TOX2: variants seen among roughly 807,000 people sequenced by gnomAD.
TOX2 encodes the protein TOX high mobility group box family member 2, also known as granulosa cell HMG box 1.
In TOX2, 15 loss-of-function variants were observed where a neutral mutation model predicts 47.4. The ratio of observed to expected loss-of-function variants is 0.32; its 90% CI spans 0.21 to 0.49. The LOEUF (loss-of-function observed/expected upper bound fraction) is 0.49. TOX2 is among the 20% of genes least tolerant of loss of function. The pLI is 0.99. For missense variants in TOX2, 622 were observed against 673.1 expected (o/e 0.92, Z 0.84); for synonymous variants, 290 against 296.6 (o/e 0.98, Z 0.23).
chr20:43,995,364 T>A (rs2070454505), intron 2 of TOX2, among the ~76,000 whole-genome samples: 2 of 152,182 alleles, frequency 1.3e-5, no homozygotes, highest in Admixed American at 6.5e-5. Context: ...GCAGAATTCA[T>A]AAAATCACTA....
intron 3 of TOX2, among the ~76,000 whole-genome samples, chr20:44,009,018 T>TCA (rs143926439): frequency 0.036 from 5,432 of 152,208 alleles, 113 homozygotes; most frequent in African/African-American, 0.055. Context: ...TCAGCTTGAG[T>TCA]CACACATACA....
chr20:44,048,667 T>C (rs1283693309), intron 3 of TOX2, among the ~76,000 whole-genome samples: 1 of 151,748 alleles, frequency 6.6e-6, no homozygotes, highest in African/African-American at 2.4e-5. Context: ...ACTAAGAGAT[T>C]TGTAATAAAA....
At chr20:43,956,917 G>A (rs372237320) in intron 1 of TOX2, among the ~76,000 whole-genome samples, 1 of 151,822 alleles carries the variant, frequency 6.6e-6, no homozygotes, top group East Asian at 1.9e-4. Context: ...TTTGTCTGTT[G>A]GCATCTTGCT....
At chr20:44,049,982 T>C (rs921665337) in intron 3 of TOX2, among the ~76,000 whole-genome samples, 1 of 152,244 alleles carries the variant, frequency 6.6e-6, no homozygotes, top group Non-Finnish European at 1.5e-5. Flanking sequence ...TAGAATGATT[T>C]ATATTCCTCT....
chr20:43,932,938 C>T (rs1008741851), intron 1 of TOX2, among the ~76,000 whole-genome samples: 1 of 152,146 alleles, frequency 6.6e-6, no homozygotes, highest in Non-Finnish European at 1.5e-5. Flanking sequence ...GGGAACATTT[C>T]CTGGCTGTCT....
At chr20:44,021,479 G>T (rs1218836028) in intron 3 of TOX2, among the ~76,000 whole-genome samples, 1 of 152,108 alleles carries the variant, frequency 6.6e-6, no homozygotes, top group Admixed American at 6.5e-5. Flanking sequence ...CAGACCTGAG[G>T]CCCCTGTCCC....
chr20:43,931,497 A>G (rs767189047), intron 1 of TOX2, among the ~76,000 whole-genome samples: 3 of 152,132 alleles, frequency 2.0e-5, no homozygotes, highest in Non-Finnish European at 4.4e-5. Flanking sequence ...TTTCACTGCT[A>G]TCCTCCCCTG....
intron 1 of TOX2, among the ~76,000 whole-genome samples, chr20:43,972,488 C>CTAGAAGGTAT: frequency 6.6e-6 from 1 of 152,166 alleles, no homozygotes; most frequent in African/African-American, 2.4e-5. Context: ...TCTAGGGAAC[C>CTAGAAGGTAT]CTATCTAAGA....
rs996495002 is a variant in TOX2, at chr20:44,066,782, G to C, written c.1409G>C (p.Gly470Ala). ...AGCAGCTCGGGATCCTGCTCACCTG[G>C]CCCATCCAACCCCACCAGCAGCGGG... ...FPSSSGSCSP[G>A]PSNPTSSGDW... The change falls in exon 8 of 9, where the codon GGC (glycine) becomes GCC (alanine). Residue 470 changes from glycine to alanine, a missense_variant. Gly to Ala is a moderately conservative substitution (Grantham distance 60). Around this residue, in one of 3 missense-constraint regions of TOX2, gnomAD observed 294 missense variants for 300.0 expected, o/e 0.98. Transcript: ENST00000341197. The C allele has an allele frequency of 6.2e-7, 1 of 1,614,160 alleles. No homozygotes were observed. The highest frequency in any genetic ancestry group is 8.5e-7 in the Non-Finnish European group (1 of 1,180,030).
chr20:43,957,880 G>A (rs2069694440), intron 1 of TOX2, among the ~76,000 whole-genome samples: 1 of 152,150 alleles, frequency 6.6e-6, no homozygotes, highest in Non-Finnish European at 1.5e-5. Context: ...AAGTGGGGAA[G>A]CGTTACACAC....
intron 2 of TOX2, among the ~76,000 whole-genome samples, chr20:43,986,451 T>A (rs1386016191): frequency 1.3e-5 from 2 of 151,972 alleles, no homozygotes; most frequent in Non-Finnish European, 2.9e-5. Context: ...CCAGCTAATT[T>A]TTGTATTTTT....
At chr20:44,031,748 T>C (rs563745136) in intron 3 of TOX2, among the ~76,000 whole-genome samples, 1 of 152,058 alleles carries the variant, frequency 6.6e-6, no homozygotes, top group Non-Finnish European at 1.5e-5. Flanking sequence ...AAGGGGTGGA[T>C]TTGGGAGACC....
At chr20:43,935,414 C>A (rs1419886339) in intron 1 of TOX2, among the ~76,000 whole-genome samples, 2 of 152,142 alleles carry the variant, frequency 1.3e-5, no homozygotes, top group Non-Finnish European at 2.9e-5. Flanking sequence ...ATAAGATGGT[C>A]GAATGAAAGG....
chr20:44,001,059 T>G (rs2070572039), intron 2 of TOX2, among the ~76,000 whole-genome samples: 1 of 152,180 alleles, frequency 6.6e-6, no homozygotes, highest in Non-Finnish European at 1.5e-5. Flanking sequence ...GAGGTAACTC[T>G]TTGCAGATTT....
In TOX2 at chr20:44,069,581, A is replaced by G. The variant is rs1473451414; in HGVS notation, c.*895A>G. ...GTCTTGGTGCCCAGTGCTTCTCTCAAATCTCTTTATAATAAAACTTCTGAA... is the reference window on the plus strand; with the variant it reads ...GTCTTGGTGCCCAGTGCTTCTCTCAGATCTCTTTATAATAAAACTTCTGAA... On this transcript the variant is annotated 3_prime_UTR_variant, in exon 9 of 9. Coordinates refer to ENST00000341197, the MANE Select transcript of TOX2 (RefSeq NM_001098797.2). 9 of 152,598 alleles carry G rather than the reference A, an allele frequency of 5.9e-5. No homozygotes were observed. Among genetic ancestry groups the G allele is most frequent in the African/African-American group, 2.2e-4 (9 of 41,368 alleles). The allele number at this position is 152,598 out of a possible 1,614,324, so 9.5% of individuals were successfully genotyped here.
intron 1 of TOX2, among the ~76,000 whole-genome samples, chr20:43,954,023 A>G (rs554162017): frequency 5.1e-4 from 78 of 152,320 alleles, no homozygotes; most frequent in Non-Finnish European, 7.2e-4. Context: ...TAGCTGAGTC[A>G]TCTTTTAAAC....
At chr20:44,066,208 C>T (rs1398068616) in intron 7 of TOX2, 101 bp downstream of exon 7, 1 of 1,324,150 alleles carries the variant, frequency 7.6e-7, no homozygotes, top group Non-Finnish European at 1.0e-6. Flanking sequence ...AGTGATATAA[C>T]CTCAGCCTTG....
chr20:43,927,444 CTGA>C (rs1357906972), intron 1 of TOX2, among the ~76,000 whole-genome samples: 1 of 147,092 alleles, frequency 6.8e-6, no homozygotes, highest in African/African-American at 2.5e-5. Context: ...TGTACATTTT[CTGA>C]TGATCTATAT....
chr20:43,975,492 A>G (rs772496145), intron 2 of TOX2, among the ~76,000 whole-genome samples: 4 of 152,150 alleles, frequency 2.6e-5, no homozygotes, highest in Non-Finnish European at 5.9e-5. Context: ...GGCTGATTCA[A>G]TCAAGGTGAC....
Sources: gnomAD v4.1 joint callset for allele counts (sites outside exome capture counted in the v4.1 genomes callset) on GRCh38, gnomAD v4.1.1 for gene constraint, gnomAD v4.1.1 regional missense constraint, MANE v1.5 for transcripts, NCBI Gene and HGNC (gene_info 2026-07-23, HGNC 2026-07-21) for gene names.